The following KLHL1 variants were observed in gnomAD, a reference collection of about 807,000 sequenced individuals.
KLHL1 encodes kelch like family member 1.
KLHL1 carries 47 observed loss-of-function variants against 77.7 expected under a neutral mutation model. That is an observed-to-expected ratio of 0.60 (90% CI 0.48 to 0.77). The LOEUF is 0.77. KLHL1 is among the 30% of genes least tolerant of loss of function. KLHL1 has a pLI of 0.00. For synonymous variants in KLHL1, 360 were observed against 325.2 expected, an observed-to-expected ratio of 1.11 and a Z score of -1.15; for missense variants, 925 against 910.8, an observed-to-expected ratio of 1.02 and a Z score of -0.20.
chr13:70,000,537 C>T (rs988974657), intron 1 of KLHL1, among the ~76,000 whole-genome samples: 5 of 151,832 alleles, frequency 3.3e-5, no homozygotes, highest in Non-Finnish European at 7.4e-5. Flanking sequence ...TCTTTTCACA[C>T]GTATTTGGAA....
At chr13:69,896,381 C>T (rs1034297896) in intron 4 of KLHL1, among the ~76,000 whole-genome samples, 3 of 152,110 alleles carry the variant, frequency 2.0e-5, no homozygotes, top group African/African-American at 7.2e-5. Flanking sequence ...ATTTCATCTG[C>T]AAAGTACCTA....
chr13:69,871,919 GC>G (rs1014245045), intron 5 of KLHL1, among the ~76,000 whole-genome samples: 4 of 152,008 alleles, frequency 2.6e-5, no homozygotes, highest in African/African-American at 9.7e-5. Flanking sequence ...TATTTTTTAA[GC>G]CCTCCAAACT....
intron 1 of KLHL1, among the ~76,000 whole-genome samples, chr13:70,016,612 A>G (rs566113292): frequency 1.3e-5 from 2 of 152,290 alleles, no homozygotes; most frequent in East Asian, 3.9e-4. Flanking sequence ...AATTTTGGGC[A>G]CCGATGAGGA....
intron 1 of KLHL1, among the ~76,000 whole-genome samples, chr13:69,981,562 C>T (rs928132348): frequency 6.6e-6 from 1 of 151,782 alleles, no homozygotes; most frequent in Non-Finnish European, 1.5e-5. Flanking sequence ...TGTTTGAGCC[C>T]AGTAAACTTA....
intron 4 of KLHL1, among the ~76,000 whole-genome samples, chr13:69,891,681 TG>T (rs906612931): frequency 5.3e-5 from 8 of 152,098 alleles, no homozygotes; most frequent in African/African-American, 1.9e-4. Context: ...AACATTTTGC[TG>T]GTTTGTTTCG....
At chr13:69,919,837 T>C (rs1368432378) in intron 4 of KLHL1, among the ~76,000 whole-genome samples, 2 of 152,164 alleles carry the variant, frequency 1.3e-5, no homozygotes, top group African/African-American at 4.8e-5. Flanking sequence ...AGGTCACATA[T>C]ATTTATTTCA....
intron 1 of KLHL1, among the ~76,000 whole-genome samples, chr13:70,064,505 A>T (rs969747181): frequency 6.6e-6 from 1 of 152,172 alleles, no homozygotes; most frequent in Non-Finnish European, 1.5e-5. Context: ...GTCATTCAAA[A>T]GCTGCTGCTT....
intron 6 of KLHL1, among the ~76,000 whole-genome samples, chr13:69,824,034 G>A (rs1053273725): frequency 1.3e-5 from 2 of 152,066 alleles, no homozygotes; most frequent in South Asian, 4.1e-4. Flanking sequence ...GTCTACGAGA[G>A]TATGTTTGTA....
intron 7 of KLHL1, among the ~76,000 whole-genome samples, chr13:69,745,995 G>C (rs115632543): frequency 5.3e-5 from 8 of 151,260 alleles, no homozygotes; most frequent in Non-Finnish European, 7.4e-5. Flanking sequence ...TTTAACTTCC[G>C]GAGTAATGTT....
At chr13:69,961,232 G>T in intron 3 of KLHL1, 76 bp downstream of exon 3, 1 of 1,376,682 alleles carries the variant, frequency 7.3e-7, no homozygotes, top group South Asian at 1.4e-5. Context: ...TTAAAAAAGC[G>T]TTAAATCCTG....
intron 1 of KLHL1, among the ~76,000 whole-genome samples, chr13:70,013,985 G>A (rs568419123): frequency 6.6e-6 from 1 of 152,140 alleles, no homozygotes; most frequent in African/African-American, 2.4e-5. Context: ...GTATTTACTT[G>A]GTGGCTAATA....
chr13:70,083,878 TTAATA>T (rs1029696539), intron 1 of KLHL1, among the ~76,000 whole-genome samples: 1 of 152,114 alleles, frequency 6.6e-6, no homozygotes, highest in South Asian at 2.1e-4. Flanking sequence ...GATTTTTCAA[TTAATA>T]TAATATTAAT....
intron 1 of KLHL1, among the ~76,000 whole-genome samples, chr13:70,105,023 A>G (rs1888016743): frequency 6.6e-6 from 1 of 152,062 alleles, no homozygotes; most frequent in Admixed American, 6.5e-5. Flanking sequence ...ATTTAAGAAC[A>G]TATAAATCCA....
At chr13:69,716,929 T>G (rs2137889284) in intron 9 of KLHL1, among the ~76,000 whole-genome samples, 1 of 152,246 alleles carries the variant, frequency 6.6e-6, no homozygotes. Flanking sequence ...ACACTGATTT[T>G]TCCACCAAGA....
At chr13:69,783,986 T>G (rs1053790989) in intron 7 of KLHL1, among the ~76,000 whole-genome samples, 7 of 152,192 alleles carry the variant, frequency 4.6e-5, no homozygotes, top group Middle Eastern at 3.2e-3. Flanking sequence ...AGCTGATCTC[T>G]CAGCAGAAAC....
intron 6 of KLHL1, among the ~76,000 whole-genome samples, chr13:69,802,186 G>C (rs1356232095): frequency 6.6e-6 from 1 of 152,096 alleles, no homozygotes; most frequent in Non-Finnish European, 1.5e-5. Context: ...TCCCTGCAAA[G>C]GACATAAATT....
chr13:69,898,491 A>C (rs1881727845), intron 4 of KLHL1, among the ~76,000 whole-genome samples: 1 of 152,104 alleles, frequency 6.6e-6, no homozygotes. Context: ...GAAACAAATA[A>C]TACTCTTTGC....
intron 4 of KLHL1, among the ~76,000 whole-genome samples, chr13:69,922,456 A>G (rs1224850613): frequency 4.3e-5 from 5 of 117,526 alleles, no homozygotes; most frequent in Admixed American, 9.6e-5. Flanking sequence ...GTCCGAGTTT[A>G]TAAAAAGACT....
intron 5 of KLHL1, among the ~76,000 whole-genome samples, chr13:69,851,420 C>T (rs1225561428): frequency 6.6e-6 from 1 of 151,706 alleles, no homozygotes; most frequent in African/African-American, 2.4e-5. Flanking sequence ...AAGTACGTTG[C>T]ACATTCATGC....
Sources: gnomAD v4.1 joint callset for allele counts (sites outside exome capture counted in the v4.1 genomes callset) on GRCh38, gnomAD v4.1.1 for gene constraint, MANE v1.5 for transcripts, NCBI Gene and HGNC (gene_info 2026-07-23, HGNC 2026-07-21) for gene names.